The following CSNK2A2IP variants were observed in gnomAD, a reference collection of about 807,000 sequenced individuals.
The protein encoded by CSNK2A2IP is casein kinase 2 subunit alpha' interacting protein, also known as casein kinase II subunit alpha'-interacting protein.
the CSNK2A2IP span, among the ~76,000 whole-genome samples, chr3:88,411,361 C>T: frequency 1.6e-5 from 2 of 128,146 alleles, no homozygotes; most frequent in Non-Finnish European, 3.2e-5. Flanking sequence ...ATCTATCTAT[C>T]TATCTATCTA....
the CSNK2A2IP span, among the ~76,000 whole-genome samples, chr3:88,394,749 G>T: frequency 1.3e-5 from 2 of 152,132 alleles, no homozygotes; most frequent in Non-Finnish European, 2.9e-5. Context: ...TTTGCCTTTC[G>T]TGAAAACTTT....
chr3:88,376,614 A>AT, the CSNK2A2IP span, among the ~76,000 whole-genome samples: 32 of 151,528 alleles, frequency 2.1e-4, no homozygotes, highest in Middle Eastern at 0.01. Flanking sequence ...TACATTCACT[A>AT]TTTTTTTTCA....
At chr3:88,420,274 A>C in the CSNK2A2IP span, among the ~76,000 whole-genome samples, 1 of 152,202 alleles carries the variant, frequency 6.6e-6, no homozygotes, top group Non-Finnish European at 1.5e-5. Flanking sequence ...TGTCAGTTCC[A>C]AGAAAAATAT....
chr3:88,373,291 C>G, the CSNK2A2IP span, among the ~76,000 whole-genome samples: 1 of 151,186 alleles, frequency 6.6e-6, no homozygotes, highest in Admixed American at 6.6e-5. Flanking sequence ...TATTATCTGA[C>G]CACAGTGGAA....
the CSNK2A2IP span, among the ~76,000 whole-genome samples, chr3:88,443,967 A>AT: frequency 6.6e-6 from 1 of 152,022 alleles, no homozygotes; most frequent in African/African-American, 2.4e-5. Context: ...GTAGATTTAA[A>AT]TTTTTTTCTT....
At chr3:88,415,084 T>C in the CSNK2A2IP span, among the ~76,000 whole-genome samples, 1 of 151,802 alleles carries the variant, frequency 6.6e-6, no homozygotes, top group Non-Finnish European at 1.5e-5. Flanking sequence ...AAAAGCCACA[T>C]AGCAAAACAG....
the CSNK2A2IP span, among the ~76,000 whole-genome samples, chr3:88,443,112 G>T: frequency 6.6e-6 from 1 of 152,096 alleles, no homozygotes; most frequent in Non-Finnish European, 1.5e-5. Context: ...AGATGTATGA[G>T]CTTTCAAATT....
chr3:88,356,865 T>A, the CSNK2A2IP span, among the ~76,000 whole-genome samples: 3 of 152,210 alleles, frequency 2.0e-5, no homozygotes, highest in Non-Finnish European at 2.9e-5. Flanking sequence ...TTGAGCATTT[T>A]TCTTATATCT....
the CSNK2A2IP span, among the ~76,000 whole-genome samples, chr3:88,414,736 A>G: frequency 6.6e-6 from 1 of 152,022 alleles, no homozygotes; most frequent in Non-Finnish European, 1.5e-5. Context: ...CTGCAAAATT[A>G]ATAGGATTAA....
At chr3:88,464,385 A>T in the CSNK2A2IP span, among the ~76,000 whole-genome samples, 1 of 151,526 alleles carries the variant, frequency 6.6e-6, no homozygotes, top group Non-Finnish European at 1.5e-5. Context: ...GTGATTACTT[A>T]GGAATAAACT....
the CSNK2A2IP span, among the ~76,000 whole-genome samples, chr3:88,389,381 G>C: frequency 6.6e-6 from 1 of 152,186 alleles, no homozygotes; most frequent in Non-Finnish European, 1.5e-5. Context: ...TTGTCTGGCT[G>C]TGCTTGAGGA....
chr3:88,396,900 A>G, the CSNK2A2IP span, among the ~76,000 whole-genome samples: 137,503 of 152,098 alleles, frequency 0.9, 63,470 homozygotes, highest in South Asian at 1. Context: ...TGGAAATGGA[A>G]AGAATTGGAT....
the CSNK2A2IP span, among the ~76,000 whole-genome samples, chr3:88,387,957 C>T: frequency 9.2e-5 from 14 of 152,098 alleles, no homozygotes; most frequent in Non-Finnish European, 1.9e-4. Context: ...TAACTCTTGG[C>T]CTCAAATGAT....
the CSNK2A2IP span, among the ~76,000 whole-genome samples, chr3:88,366,295 G>A: frequency 6.6e-6 from 1 of 152,132 alleles, no homozygotes; most frequent in Admixed American, 6.6e-5. Flanking sequence ...TTCCAGTTTA[G>A]GCAGTTTGTA....
chr3:88,398,730 T>C, the CSNK2A2IP span, among the ~76,000 whole-genome samples: 1 of 152,162 alleles, frequency 6.6e-6, no homozygotes, highest in Non-Finnish European at 1.5e-5. Context: ...AGTCTTGAGA[T>C]ACTATAAAGA....
chr3:88,340,300 G>A, the CSNK2A2IP span, among the ~76,000 whole-genome samples: 1 of 151,972 alleles, frequency 6.6e-6, no homozygotes, highest in East Asian at 1.9e-4. Context: ...AAACCTCCAA[G>A]AAGGAATGTA....
At chr3:88,422,764 C>T in the CSNK2A2IP span, among the ~76,000 whole-genome samples, 1 of 152,100 alleles carries the variant, frequency 6.6e-6, no homozygotes, top group Non-Finnish European at 1.5e-5. Flanking sequence ...TCTGTTTTAC[C>T]TCCTCGTTTC....
chr3:88,397,218 A>G, the CSNK2A2IP span, among the ~76,000 whole-genome samples: 8 of 152,186 alleles, frequency 5.3e-5, no homozygotes, highest in Non-Finnish European at 1.0e-4. Flanking sequence ...GCCACTCTCA[A>G]TTCTTGTTCT....
chr3:88,351,067 C>G, the CSNK2A2IP span, among the ~76,000 whole-genome samples: 2 of 152,152 alleles, frequency 1.3e-5, no homozygotes, highest in African/African-American at 4.8e-5. Context: ...ACCTTTAACA[C>G]TGATGAATTA....
Sources: allele counts gnomAD v4.1 joint callset (sites outside exome capture counted in the v4.1 genomes callset), GRCh38; gene constraint gnomAD v4.1.1; transcripts MANE v1.5; gene names NCBI Gene and HGNC (gene_info 2026-07-23, HGNC 2026-07-21).